TMEM14B: variants seen among roughly 807,000 people sequenced by gnomAD.
TMEM14B encodes the protein transmembrane protein 14B.
In TMEM14B, 9 loss-of-function variants were observed where a neutral mutation model predicts 14.8. The ratio of observed to expected loss-of-function variants is 0.61; its 90% CI spans 0.37 to 1.06. TMEM14B has a LOEUF of 1.06. Ranked by LOEUF, TMEM14B falls within the 50% of genes least tolerant of loss-of-function variation. TMEM14B has a pLI of 0.01. For synonymous variants in TMEM14B, 40 were observed against 51.3 expected, an observed-to-expected ratio of 0.78 and a Z score of 0.94; for missense variants, 128 against 143.6, an observed-to-expected ratio of 0.89 and a Z score of 0.56.
At chr6:10,752,914 T>TA (rs2127495622) in intron 4 of TMEM14B, 1 of 152,232 alleles carries the variant, frequency 6.6e-6, no homozygotes, top group South Asian at 2.1e-4. Flanking sequence ...TTCAGGGTGG[T>TA]ATGGCGGTAG....
rs753330505 is a variant in TMEM14B, at chr6:10,756,481, C to T, written c.308C>T (p.Ala103Val). The T allele has an allele frequency of 5.0e-6, 8 of 1,613,898 alleles. No homozygotes were observed. Among genetic ancestry groups the T allele is most frequent in the Non-Finnish European group, 6.8e-6 (8 of 1,179,930 alleles). The part of the protein sequence containing the change: ...LIAGASLLMA[A>V]KVGVRMLMTS... ...GTTTTAAACAGTTTGCTGATGGCCG[C>T]CAAAGTTGGAGTTCGTATGTTGATG... Residue 103 changes from alanine (A) to valine (V), a missense_variant, in exon 6 of 6, where the codon GCC (alanine) becomes GTC (valine). Coordinates refer to ENST00000379542, the MANE Select transcript of TMEM14B (RefSeq NM_030969.5).
chr6:10,755,077 G>A, intron 4 of TMEM14B, 65 bp from the exon 5 acceptor site: 4 of 1,549,128 alleles, frequency 2.6e-6, no homozygotes, highest in South Asian at 2.3e-5. Context: ...GTGGGGCTTG[G>A]TCTACTTCTG....
At position 10,752,665 on chromosome 6, in the gene TMEM14B, C is replaced by A. The variant is rs541043611; in HGVS notation, c.202+1431C>A. On this transcript the variant is annotated intron_variant, in intron 4 of 5. Transcript: ENST00000379542. ...AGGTGCAGGGTTTTTGCCATGTTGT[C>A]TGGGCTGGTTTGGAACGCCTGACCT... is the stretch of plus-strand genomic sequence containing the variant. 3 of 152,160 alleles carry A rather than the reference C, an allele frequency of 2.0e-5. No homozygotes were observed. The East Asian group carries it at 5.8e-4, about 30-fold the overall frequency. The allele number at this position is 152,160 out of a possible 1,614,324, so 9.4% of individuals were successfully genotyped here. A position where few individuals can be genotyped will look rare whatever the true frequency, so the allele number is the denominator to read the frequency against.
intron 2 of TMEM14B, 89 bp from the exon 3 acceptor site, chr6:10,749,533 T>C: frequency 4.1e-6 from 6 of 1,468,362 alleles, no homozygotes; most frequent in Non-Finnish European, 5.7e-6. Flanking sequence ...TGGGGAATGA[T>C]TACCTTTTAG....
intron 3 of TMEM14B, among the ~76,000 whole-genome samples, chr6:10,750,620 C>T (rs1161689955): frequency 6.6e-6 from 1 of 152,024 alleles, no homozygotes; most frequent in Non-Finnish European, 1.5e-5. Flanking sequence ...GCGGATATAG[C>T]TCGCCACAGT....
chr6:10,756,690 C>G lies in TMEM14B; in HGVS notation c.*172C>G. 1 of 1,377,300 alleles carries G rather than the reference C, an allele frequency of 7.3e-7. No individual in the cohort carries two copies. The highest frequency in any genetic ancestry group is 9.4e-7 in the Non-Finnish European group (1 of 1,066,030). The allele number at this position is 1,377,300 out of a possible 1,614,324, so 85.3% of individuals were successfully genotyped here. ...GGAAAATCAGTTGTTACCATTATAA[C>G]CCTACAGAGGTGGTGAGCATGTAAC... On this transcript the variant is annotated 3_prime_UTR_variant, in exon 6 of 6. Coordinates refer to ENST00000379542, the MANE Select transcript of TMEM14B (RefSeq NM_030969.5).
intron 4 of TMEM14B, among the ~76,000 whole-genome samples, chr6:10,752,467 T>TC (rs1215043732): frequency 3.4e-5 from 5 of 148,634 alleles, no homozygotes; most frequent in Non-Finnish European, 7.4e-5. Context: ...TTTTTTTTTT[T>TC]TTTTTTTGAG....
At chr6:10,757,758 A>G (rs890573468), downstream of TMEM14B, among the ~76,000 whole-genome samples, 1 of 152,186 alleles carries the variant, frequency 6.6e-6, no homozygotes, top group African/African-American at 2.4e-5. Context: ...TGGGAGGCCG[A>G]GATGGGTGGA....
At chr6:10,747,791 C>G (rs1771380844), upstream of TMEM14B, 1 of 152,580 alleles carries the variant, frequency 6.6e-6, no homozygotes, top group Non-Finnish European at 1.5e-5. Context: ...GGCCCCGGGG[C>G]GCAGCGCGCA....
rs897543702 is a variant in TMEM14B at position 10,756,695 on chromosome 6, C to T, written c.*177C>T. ...ATCAGTTGTTACCATTATAACCCTA[C>T]AGAGGTGGTGAGCATGTAACATGAG... On this transcript the variant is annotated 3_prime_UTR_variant, in exon 6 of 6. Transcript: ENST00000379542. 11 of 1,362,404 alleles carry T rather than the reference C, an allele frequency of 8.1e-6. No homozygotes were observed. The highest frequency in any genetic ancestry group is 1.0e-5 in the Non-Finnish European group (11 of 1,057,776). The allele number at this position is 1,362,404 out of a possible 1,614,324, so 84.4% of individuals were successfully genotyped here.
chr6:10,749,835 G>A (rs1771479892), intron 3 of TMEM14B, 137 bp downstream of exon 3: 1 of 1,002,864 alleles, frequency 1.0e-6, no homozygotes, highest in Non-Finnish European at 1.6e-6. Context: ...AGGCTTCCTT[G>A]TCAGTCTTGC....
chr6:10,756,756 A>C lies in TMEM14B; in HGVS notation c.*238A>C. Reference sequence around the variant, plus strand: ...CCATCATAGAGATCGATTCTTGTATATTGATTTTATCTCTTTCTGTATCTA... The same window carrying C: ...CCATCATAGAGATCGATTCTTGTATCTTGATTTTATCTCTTTCTGTATCTA... On this transcript the variant is annotated 3_prime_UTR_variant, in exon 6 of 6. Coordinates refer to ENST00000379542, the MANE Select transcript of TMEM14B (RefSeq NM_030969.5). 1 of 1,149,578 alleles carries C rather than the reference A, an allele frequency of 8.7e-7. No homozygotes were observed. The highest frequency in any genetic ancestry group is 4.8e-5 in the Admixed American group (1 of 20,970). The allele number at this position is 1,149,578 out of a possible 1,614,324, so 71.2% of individuals were successfully genotyped here.
chr6:10,755,323 G>A (rs2127496674), intron 5 of TMEM14B, 91 bp downstream of exon 5: 1 of 1,592,594 alleles, frequency 6.3e-7, no homozygotes, highest in Non-Finnish European at 8.5e-7. Context: ...TTGTTTCAGA[G>A]TATCTGATGC....
At chr6:10,754,484 G>A (rs1158426966) in intron 4 of TMEM14B, among the ~76,000 whole-genome samples, 2 of 152,174 alleles carry the variant, frequency 1.3e-5, no homozygotes, top group African/African-American at 4.8e-5. Flanking sequence ...CCATCCTTCA[G>A]CTTATTAACG....
chr6:10,755,326 T>C (rs765520792), intron 5 of TMEM14B, 94 bp downstream of exon 5: 9 of 1,589,254 alleles, frequency 5.7e-6, no homozygotes, highest in Middle Eastern at 1.7e-4. Flanking sequence ...TTTCAGAGTA[T>C]CTGATGCTAT....
rs749481878 is a variant in TMEM14B at position 10,756,533 on chromosome 6, C to T, written c.*15C>T. The stretch of plus-strand genomic sequence containing the variant: ...CATCTGATTAGCAGAAGTCATGTTC[C>T]AGCTTGGACTCATGAAGGATTAAAA... On this transcript the variant is annotated 3_prime_UTR_variant, in exon 6 of 6. Transcript: ENST00000379542. 2.5e-6 allele frequency: 4 copies of T among 1,610,744 alleles called. No individual in the cohort carries two copies. The South Asian group carries it at 3.3e-5, about 13-fold the overall frequency.
chr6:10,752,289 T>C (rs9461126), intron 4 of TMEM14B, among the ~76,000 whole-genome samples: 26,163 of 151,704 alleles, frequency 0.17, 6,916 homozygotes, highest in African/African-American at 0.57. Context: ...TTTCCCTCCT[T>C]TCCAACACCA....
intron 1 of TMEM14B, among the ~76,000 whole-genome samples, chr6:10,748,501 C>T (rs563304879): frequency 6.6e-6 from 1 of 152,314 alleles, no homozygotes; most frequent in South Asian, 2.1e-4. Flanking sequence ...AATCCGCCTG[C>T]CTGGGCCTCC....
At position 10,749,212 on chromosome 6, in the gene TMEM14B, G is replaced by C. The variant is rs763579585; in HGVS notation, c.-34G>C. 2.5e-6 allele frequency: 4 copies of C among 1,613,606 alleles called. No individual in the cohort carries two copies. The highest frequency in any genetic ancestry group is 1.3e-5 in the African/African-American group (1 of 75,036). On this transcript the variant is annotated 5_prime_UTR_variant, in exon 2 of 6. Transcript: ENST00000379542. Reference sequence around the variant, plus strand: ...GCTTGTTTTCCCCAGATGCAGGCCTGGGGTAGTCTCCTTTCTGGACTGAGA... The same window carrying C: ...GCTTGTTTTCCCCAGATGCAGGCCTCGGGTAGTCTCCTTTCTGGACTGAGA...
Sources: gnomAD v4.1 joint callset for allele counts (sites outside exome capture counted in the v4.1 genomes callset) on GRCh38, gnomAD v4.1.1 for gene constraint, MANE v1.5 for transcripts, NCBI Gene and HGNC (gene_info 2026-07-23, HGNC 2026-07-21) for gene names.